SLC24A2: variants seen among roughly 807,000 people sequenced by gnomAD.
SLC24A2 encodes the protein sodium/potassium/calcium exchanger 2.
SLC24A2 carries 36 observed loss-of-function variants against 62.0 expected under a neutral mutation model. The ratio of observed to expected loss-of-function variants is 0.58; its 90% confidence interval spans 0.44 to 0.77. The LOEUF (loss-of-function observed/expected upper bound fraction) is 0.77, where lower values mean the gene tolerates loss of function less well. Ranked by LOEUF, SLC24A2 falls within the 30% of genes least tolerant of loss-of-function variation. The pLI, the probability that SLC24A2 is intolerant of heterozygous loss-of-function variation, is 0.00. For synonymous variants in SLC24A2, 358 were observed against 294.0 expected, an observed-to-expected ratio of 1.22 and a Z score of -2.23; for missense variants, 846 against 817.9, an observed-to-expected ratio of 1.03 and a Z score of -0.42.
the SLC24A2 span, among the ~76,000 whole-genome samples, chr9:20,155,543 T>A: frequency 1.3e-5 from 2 of 151,852 alleles, no homozygotes; most frequent in Non-Finnish European, 2.9e-5. Flanking sequence ...GCCAAGAATA[T>A]GTGGTTTTTG....
At chr9:19,609,484 T>C (rs1489121419) in intron 4 of SLC24A2, among the ~76,000 whole-genome samples, 1 of 152,232 alleles carries the variant, frequency 6.6e-6, no homozygotes, top group East Asian at 1.9e-4. Flanking sequence ...GTTGAAAGTG[T>C]TGGACACTAG....
chr9:19,730,412 A>T (rs1000672346), intron 2 of SLC24A2, among the ~76,000 whole-genome samples: 9 of 152,168 alleles, frequency 5.9e-5, no homozygotes, highest in African/African-American at 2.2e-4. Flanking sequence ...CTGTCCATGT[A>T]TACAGAGGTA....
intron 7 of SLC24A2, among the ~76,000 whole-genome samples, chr9:19,554,144 T>A (rs1834970935): frequency 6.6e-6 from 1 of 152,090 alleles, no homozygotes; most frequent in Admixed American, 6.5e-5. Context: ...TAGGGGTTCC[T>A]TTGCACAGAA....
At chr9:19,934,908 G>C in the SLC24A2 span, among the ~76,000 whole-genome samples, 2 of 152,166 alleles carry the variant, frequency 1.3e-5, no homozygotes, top group African/African-American at 4.8e-5. The surrounding 1 kb of genome is among the most constrained non-coding windows in gnomAD (Gnocchi z 4.1). Flanking sequence ...TTTGGAGGCG[G>C]GAGAGCTGGC....
chr9:20,286,634 A>G, the SLC24A2 span, among the ~76,000 whole-genome samples: 2 of 152,212 alleles, frequency 1.3e-5, no homozygotes, highest in Admixed American at 6.5e-5. Context: ...GAAGGAGAGA[A>G]TGACTACTGG....
chr9:20,060,357 A>T, the SLC24A2 span, among the ~76,000 whole-genome samples: 1 of 152,120 alleles, frequency 6.6e-6, no homozygotes, highest in Non-Finnish European at 1.5e-5. Flanking sequence ...TCACAGGAAA[A>T]CTATAGTTCA....
At chr9:19,824,844 A>C in the SLC24A2 span, among the ~76,000 whole-genome samples, 1 of 152,238 alleles carries the variant, frequency 6.6e-6, no homozygotes. Context: ...GCAGCCATAA[A>C]AAAAGATGAG....
intron 4 of SLC24A2, among the ~76,000 whole-genome samples, chr9:19,610,821 T>C (rs950146124): frequency 3.9e-5 from 6 of 152,338 alleles, no homozygotes; most frequent in Non-Finnish European, 8.8e-5. Flanking sequence ...TAGAGACATA[T>C]AGTTCCCTAG....
chr9:19,994,378 T>C, the SLC24A2 span, among the ~76,000 whole-genome samples: 2 of 152,168 alleles, frequency 1.3e-5, no homozygotes, highest in African/African-American at 4.8e-5. Flanking sequence ...ATAAATTCTG[T>C]GGGCAAGAGT....
the SLC24A2 span, among the ~76,000 whole-genome samples, chr9:20,119,287 T>G: frequency 1.3e-5 from 2 of 152,224 alleles, no homozygotes; most frequent in South Asian, 4.2e-4. Context: ...AGCTCTTGAC[T>G]CACAGAAACT....
chr9:19,622,147 G>T, intron 3 of SLC24A2, 114 bp downstream of exon 3: 1 of 827,866 alleles, frequency 1.2e-6, no homozygotes, highest in Non-Finnish European at 2.1e-6. Context: ...GATTATTTAA[G>T]TATTCCAAGG....
At chr9:19,522,746 C>A (rs1284391035) in intron 9 of SLC24A2, among the ~76,000 whole-genome samples, 1 of 152,296 alleles carries the variant, frequency 6.6e-6, no homozygotes, top group African/African-American at 2.4e-5. Flanking sequence ...GCTCTTAATA[C>A]TGATTTGCTG....
the SLC24A2 span, among the ~76,000 whole-genome samples, chr9:19,982,957 A>G: frequency 6.6e-6 from 1 of 152,212 alleles, no homozygotes; most frequent in East Asian, 1.9e-4. Context: ...GACAAAATCC[A>G]ACATTCTTTC....
At chr9:20,004,296 C>T in the SLC24A2 span, among the ~76,000 whole-genome samples, 1 of 152,160 alleles carries the variant, frequency 6.6e-6, no homozygotes. Context: ...ATGGGCAGGA[C>T]ATTTTTGTTG....
the SLC24A2 span, among the ~76,000 whole-genome samples, chr9:20,011,823 G>A: frequency 0.48 from 73,105 of 151,986 alleles, 19,050 homozygotes; most frequent in African/African-American, 0.67. Context: ...TTAAGAACAC[G>A]TCAAAAGAAT....
the SLC24A2 span, among the ~76,000 whole-genome samples, chr9:20,149,093 T>C: frequency 6.6e-6 from 1 of 151,998 alleles, no homozygotes; most frequent in Non-Finnish European, 1.5e-5. Context: ...GTATCCAGGT[T>C]GATTATGAAA....
intron 9 of SLC24A2, among the ~76,000 whole-genome samples, chr9:19,521,388 G>C (rs947460112): frequency 1.3e-5 from 2 of 152,166 alleles, no homozygotes; most frequent in African/African-American, 4.8e-5. Flanking sequence ...AGGCCAATTG[G>C]CCATGGAATC....
the SLC24A2 span, among the ~76,000 whole-genome samples, chr9:20,235,146 G>A: frequency 6.6e-6 from 1 of 152,218 alleles, no homozygotes; most frequent in Non-Finnish European, 1.5e-5. Flanking sequence ...ACTGGGGGGT[G>A]CCTCCCAGTT....
At chr9:20,121,104 T>C in the SLC24A2 span, among the ~76,000 whole-genome samples, 1 of 141,520 alleles carries the variant, frequency 7.1e-6, no homozygotes, top group South Asian at 2.4e-4. Flanking sequence ...CAAAATTGTT[T>C]CAGGCATACT....
Sources: gnomAD v4.1 joint callset for allele counts (sites outside exome capture counted in the v4.1 genomes callset) on GRCh38, gnomAD v4.1.1 for gene constraint, Gnocchi (gnomAD v3.1) non-coding constraint, MANE v1.5 for transcripts, NCBI Gene and HGNC (gene_info 2026-07-23, HGNC 2026-07-21) for gene names.